OLFM4: variants seen among roughly 807,000 people sequenced by gnomAD.
The protein encoded by OLFM4 is olfactomedin 4.
In OLFM4, 22 loss-of-function variants were observed where a neutral mutation model predicts 25.5. That is an observed-to-expected ratio of 0.86 (90% CI 0.62 to 1.23). OLFM4 has a LOEUF of 1.23. Among genes scored for constraint, OLFM4 ranks in the 50% most tolerant of loss-of-function variants. OLFM4 has a pLI of 0.00. For missense variants in OLFM4, 594 were observed against 619.4 expected (o/e 0.96, Z 0.44); for synonymous variants, 255 against 237.7 (o/e 1.07, Z -0.67).
chr13:53,030,122 G>C (rs1439997828), intron 1 of OLFM4, among the ~76,000 whole-genome samples: 1 of 152,060 alleles, frequency 6.6e-6, no homozygotes, highest in Non-Finnish European at 1.5e-5. Context: ...GGGAGAAGGG[G>C]GAGGAAAAGA....
chr13:53,044,512 A>C (rs752375736), intron 4 of OLFM4, among the ~76,000 whole-genome samples: 7 of 152,204 alleles, frequency 4.6e-5, no homozygotes, highest in Non-Finnish European at 8.8e-5. Flanking sequence ...AAATAGGTAT[A>C]GCCATAGATA....
At chr13:53,048,717 G>C (rs772015846) in intron 4 of OLFM4, among the ~76,000 whole-genome samples, 18 of 152,242 alleles carry the variant, frequency 1.2e-4, no homozygotes, top group Middle Eastern at 3.4e-3. Context: ...ATGGCTCTCT[G>C]AGTCCCTGCA....
Position 53,042,004 on chromosome 13 carries a change from A to G in OLFM4, c.452A>G (p.Tyr151Cys). 6.2e-7 allele frequency: 1 copy of G among 1,613,958 alleles called. No homozygotes were observed. The highest frequency in any genetic ancestry group is 8.5e-7 in the Non-Finnish European group (1 of 1,179,850). ...ATCATGGAGAAGGATACCATTTCTT[A>G]CACTGAACTGGACTTCGAGCTGATC... ...IDIMEKDTIS[Y>C]TELDFELIKV... The change falls in exon 3 of 5, where the codon TAC (tyrosine) becomes TGC (cysteine). Residue 151 changes from tyrosine (Y) to cysteine (C), a missense_variant. Transcript: ENST00000219022.
intron 1 of OLFM4, among the ~76,000 whole-genome samples, chr13:53,029,411 C>T (rs1566314005): frequency 6.6e-6 from 1 of 152,084 alleles, no homozygotes. Context: ...AAACCTCTCC[C>T]CAGGTGATTC....
chr13:53,034,607 G>T (rs927089901), intron 2 of OLFM4, 107 bp downstream of exon 2: 52 of 986,546 alleles, frequency 5.3e-5, no homozygotes, highest in Non-Finnish European at 7.5e-5. Flanking sequence ...AAGACATCAC[G>T]TTTTTATTCT....
chr13:53,044,100 G>T (rs1954702687), intron 4 of OLFM4, among the ~76,000 whole-genome samples: 1 of 152,170 alleles, frequency 6.6e-6, no homozygotes, highest in Non-Finnish European at 1.5e-5. Context: ...TGCCTTGCAG[G>T]GTGGCTGTGG....
At position 53,050,131 on chromosome 13, in the gene OLFM4, G is replaced by A. The variant is rs1283352695; in HGVS notation, c.893G>A (p.Arg298Lys). 3.7e-6 allele frequency: 6 copies of A among 1,613,954 alleles called. No homozygotes were observed. Among genetic ancestry groups the A allele is most frequent in the Non-Finnish European group, 5.1e-6 (6 of 1,179,930 alleles). ...GTGGCGCCATTGAATACAGATGGGAGACTGTTGGAGTATTATAGACTGTAC... is the reference window on the plus strand; with the variant it reads ...GTGGCGCCATTGAATACAGATGGGAAACTGTTGGAGTATTATAGACTGTAC... ...YWVAPLNTDG[R>K]LLEYYRLYNT... The change falls in exon 5 of 5, where the codon AGA becomes AAA. Residue 298 changes from arginine to lysine, a missense_variant. Coordinates refer to ENST00000219022, the MANE Select transcript of OLFM4 (RefSeq NM_006418.5).
At chr13:53,040,469 G>A (rs531244267) in intron 2 of OLFM4, among the ~76,000 whole-genome samples, 47 of 152,286 alleles carry the variant, frequency 3.1e-4, no homozygotes, top group African/African-American at 9.6e-4. Context: ...TGTATATGGC[G>A]ATCAAAGAAG....
rs1396722075 is a variant in OLFM4, at chr13:53,050,298, A to C, written c.1060A>C (p.Thr354Pro). 6.2e-7 allele frequency: 1 copy of C among 1,613,966 alleles called. No individual in the cohort carries two copies. Among genetic ancestry groups the C allele is most frequent in the Non-Finnish European group, 8.5e-7 (1 of 1,179,982 alleles). The change falls in exon 5 of 5, where the codon ACC becomes CCC. Residue 354 changes from threonine to proline, a missense_variant. Physicochemically the swap from Thr to Pro is conservative, Grantham distance 38. Transcript: ENST00000219022. ...CGGGAATATTGCCAGAGTTAACCTG[A>C]CCACCAACACGATTGCTGTGACTCA... is the stretch of plus-strand genomic sequence containing the variant. Reference protein sequence around the residue: ...NTGNIARVNLTTNTIAVTQTL... With the variant: ...NTGNIARVNLPTNTIAVTQTL...
intron 4 of OLFM4, among the ~76,000 whole-genome samples, chr13:53,049,059 A>G (rs1181857102): frequency 6.6e-6 from 1 of 152,168 alleles, no homozygotes; most frequent in Non-Finnish European, 1.5e-5. Flanking sequence ...GTTACAGGGA[A>G]TGTAGATTCA....
intron 4 of OLFM4, 96 bp downstream of exon 4, chr13:53,043,360 G>C (rs1954698024): frequency 4.0e-5 from 28 of 700,498 alleles, no homozygotes; most frequent in Non-Finnish European, 5.6e-5. Flanking sequence ...GGTGAAAGAA[G>C]AAGGTGGGTT....
chr13:53,031,735 G>A (rs746666886), intron 1 of OLFM4, among the ~76,000 whole-genome samples: 1 of 152,226 alleles, frequency 6.6e-6, no homozygotes, highest in African/African-American at 2.4e-5. Context: ...CCAGAACCTG[G>A]CATAGTGTAG....
chr13:53,047,893 A>T (rs550129391), intron 4 of OLFM4, among the ~76,000 whole-genome samples: 33 of 152,236 alleles, frequency 2.2e-4, no homozygotes, highest in African/African-American at 7.7e-4. Context: ...TTTTCCTTAA[A>T]TATTTTGTTG....
At chr13:53,040,973 A>C (rs1334496393) in intron 2 of OLFM4, among the ~76,000 whole-genome samples, 4 of 152,234 alleles carry the variant, frequency 2.6e-5, no homozygotes, top group Admixed American at 6.5e-5. Flanking sequence ...AAGTAAAAAA[A>C]TAACAGATGC....
Position 53,050,745 on chromosome 13 carries a change from C to T in OLFM4, c.1507C>T (p.Leu503Phe). The change falls in exon 5 of 5, where the codon CTT (leucine) becomes TTT (phenylalanine). Residue 503 changes from leucine (L) to phenylalanine (F), a missense_variant. Leu to Phe is a conservative substitution (Grantham distance 22). Coordinates refer to ENST00000219022, the MANE Select transcript of OLFM4 (RefSeq NM_006418.5). The part of the protein sequence containing the change: ...YNDGYLLNYD[L>F]SVLQKPQ The stretch of plus-strand genomic sequence containing the variant: ...CGATGGTTACCTTCTGAATTATGAT[C>T]TTTCTGTCTTGCAGAAGCCCCAGTA... 6.2e-7 allele frequency: 1 copy of T among 1,601,070 alleles called. No individual in the cohort carries two copies. The highest frequency in any genetic ancestry group is 8.5e-7 in the Non-Finnish European group (1 of 1,174,824).
rs373228105 is a variant in OLFM4, at chr13:53,043,225, G to C, written c.691G>C (p.Asp231His). Reference sequence around the variant, plus strand: ...GCTGAAAGAGTGTGAGGCCTCTAAAGATCAAAACACCCCTGTCGTCCACCC... The same window carrying C: ...GCTGAAAGAGTGTGAGGCCTCTAAACATCAAAACACCCCTGTCGTCCACCC... ...TKLKECEASKDQNTPVVHPPP... is the reference protein window; with the variant it reads ...TKLKECEASKHQNTPVVHPPP... The change falls in exon 4 of 5, where the codon GAT becomes CAT. Residue 231 changes from aspartate (D) to histidine (H), a missense_variant. Transcript: ENST00000219022. 197 of 1,611,160 alleles carry C rather than the reference G, an allele frequency of 1.2e-4. 1 individual carries two copies. In the East Asian group the frequency reaches 3.9e-3, roughly 32 times the overall value.
At chr13:53,031,573 CACAGAGTAACTGGTATAGTTGGA>C (rs1340551133) in intron 1 of OLFM4, among the ~76,000 whole-genome samples, 1 of 152,172 alleles carries the variant, frequency 6.6e-6, no homozygotes, top group Non-Finnish European at 1.5e-5. Flanking sequence ...ATGCTCACTC[CACAGAGTAACTGGTATAGTTGGA>C]ACTGCAACGA....
At chr13:53,048,273 T>G (rs557844457) in intron 4 of OLFM4, among the ~76,000 whole-genome samples, 2 of 152,334 alleles carry the variant, frequency 1.3e-5, no homozygotes, top group East Asian at 3.9e-4. Context: ...CGTTGCTTTT[T>G]TATTTATGAA....
chr13:53,040,087 A>G (rs911766958), intron 2 of OLFM4, among the ~76,000 whole-genome samples: 3 of 152,206 alleles, frequency 2.0e-5, no homozygotes, highest in Admixed American at 2.0e-4. Flanking sequence ...ACTTCAGTTC[A>G]AATTTTTAAA....
Sources: allele counts gnomAD v4.1 joint callset (sites outside exome capture counted in the v4.1 genomes callset), GRCh38; gene constraint gnomAD v4.1.1; transcripts MANE v1.5; gene names NCBI Gene and HGNC (gene_info 2026-07-23, HGNC 2026-07-21).